TRDN: variants seen among roughly 807,000 people sequenced by gnomAD.
TRDN encodes the protein triadin in skeletal muscle.
In TRDN, 161 loss-of-function variants were observed where a neutral mutation model predicts 149.7. The observed-to-expected ratio is 1.08, with a 90% confidence interval of 0.95 to 1.23. The LOEUF (loss-of-function observed/expected upper bound fraction) is 1.23, where lower values mean the gene tolerates loss of function less well. TRDN is among the 50% of genes most tolerant of loss of function. The pLI, the probability that TRDN is intolerant of heterozygous loss-of-function variation, is 0.00. For synonymous variants in TRDN, 294 were observed against 250.5 expected (o/e 1.17, Z -1.64); for missense variants, 896 against 823.5 (o/e 1.09, Z -1.08).
At chr6:123,372,369 G>A (rs6569340) in intron 19 of TRDN, among the ~76,000 whole-genome samples, 152,251 of 152,280 alleles carry the variant, frequency 1, 76,111 homozygotes, top group Middle Eastern at 1. Context: ...TTAAGGAGAT[G>A]AATATAGTCA....
intron 21 of TRDN, among the ~76,000 whole-genome samples, chr6:123,341,433 G>A (rs1349781090): frequency 6.6e-6 from 1 of 151,762 alleles, no homozygotes; most frequent in Non-Finnish European, 1.5e-5. Flanking sequence ...AGTGTTTCCA[G>A]TTGAATTATA....
At chr6:123,232,855 C>T (rs894751490) in intron 38 of TRDN, among the ~76,000 whole-genome samples, 2 of 151,930 alleles carry the variant, frequency 1.3e-5, no homozygotes, top group African/African-American at 4.8e-5. Context: ...GCTCTATATG[C>T]TCTTAGCAAA....
intron 37 of TRDN, among the ~76,000 whole-genome samples, chr6:123,254,334 T>C (rs1776477949): frequency 6.6e-6 from 1 of 152,050 alleles, no homozygotes; most frequent in African/African-American, 2.4e-5. Context: ...TGTCTAGATA[T>C]GTCTAGTCAT....
chr6:123,273,050 G>A, intron 28 of TRDN, 39 bp from the exon 29 acceptor site: 3 of 1,366,060 alleles, frequency 2.2e-6, no homozygotes, highest in Non-Finnish European at 2.9e-6. Context: ...TAGGTATTTA[G>A]AAGCTGGGAA....
Position 123,406,852 on chromosome 6 carries a change from AAAAATTGTC to A in TRDN, c.1052-13184_1052-13176del, listed in dbSNP as rs1460122721. Among the ~76,000 whole-genome samples the A allele has an allele frequency of 7.2e-5, 11 of 152,336 alleles. No homozygotes were observed. The Middle Eastern group carries it at 0.01, about 141-fold the overall frequency. On this transcript the variant is annotated intron_variant, in intron 12 of 40. Transcript: ENST00000334268. ...TTTCAAGGTTTACTGATTCAAAAAC[AAAAATTGTC>A]GTCTTTATCTCTGTGCTCTCCCCTT...
At chr6:123,450,007 C>T (rs1775667986) in intron 10 of TRDN, among the ~76,000 whole-genome samples, 1 of 151,434 alleles carries the variant, frequency 6.6e-6, no homozygotes, top group Non-Finnish European at 1.5e-5. Context: ...CTTTTTCAGA[C>T]AAACAAATAC....
intron 10 of TRDN, among the ~76,000 whole-genome samples, chr6:123,451,097 G>T (rs1204310339): frequency 6.6e-6 from 1 of 152,000 alleles, no homozygotes; most frequent in African/African-American, 2.4e-5. Flanking sequence ...ATTCAGCAAA[G>T]GCAGTGCTGA....
intron 21 of TRDN, chr6:123,351,542 A>T (rs1203461893): frequency 2.0e-6 from 2 of 982,056 alleles, no homozygotes; most frequent in Non-Finnish European, 2.4e-6. Context: ...CCATGCAATT[A>T]TAAAGGGATT....
intron 24 of TRDN, among the ~76,000 whole-genome samples, chr6:123,289,353 T>C (rs1479630085): frequency 1.3e-5 from 2 of 151,962 alleles, no homozygotes; most frequent in Non-Finnish European, 2.9e-5. Context: ...AAAGCGATGA[T>C]GCTGATAAAA....
In TRDN at chr6:123,279,696, G is replaced by A. The variant is rs952718801; in HGVS notation, c.1511-614C>T. 2.2e-4 allele frequency among the ~76,000 whole-genome samples: 33 copies of A among 151,864 alleles called. 1 individual carries two copies. The highest frequency in any genetic ancestry group is 1.2e-3 in the Admixed American group (18 of 15,220). ...ACCATTCTATGGATTAGTCTCTCTG[G>A]TCACCAATTTCCCATTACTTTCCAA... On this transcript the variant is annotated intron_variant, in intron 24 of 40. Transcript: ENST00000334268.
At chr6:123,263,593 G>A (rs998911985) in intron 33 of TRDN, among the ~76,000 whole-genome samples, 2 of 151,996 alleles carry the variant, frequency 1.3e-5, no homozygotes, top group African/African-American at 4.8e-5. Flanking sequence ...TCCCCAAGCT[G>A]TACTCCAGCC....
intron 9 of TRDN, among the ~76,000 whole-genome samples, chr6:123,480,670 C>G (rs371827818): frequency 6.6e-6 from 1 of 151,824 alleles, no homozygotes; most frequent in East Asian, 1.9e-4. Context: ...GAGGGGCAAC[C>G]AGAAAGGAGA....
chr6:123,429,533 C>T (rs982159212), intron 12 of TRDN, among the ~76,000 whole-genome samples: 1 of 152,094 alleles, frequency 6.6e-6, no homozygotes, highest in African/African-American at 2.4e-5. Flanking sequence ...CAAAATTTGC[C>T]TGGATATTTC....
At chr6:123,283,103 T>A (rs1777640594) in intron 24 of TRDN, among the ~76,000 whole-genome samples, 1 of 151,882 alleles carries the variant, frequency 6.6e-6, no homozygotes, top group Non-Finnish European at 1.5e-5. Context: ...AAAATTGAAA[T>A]GATAACAAGT....
chr6:123,289,209 A>T (rs375561514), intron 24 of TRDN, among the ~76,000 whole-genome samples: 1 of 150,588 alleles, frequency 6.6e-6, no homozygotes, highest in East Asian at 1.9e-4. Context: ...CTTAAAAAAA[A>T]GAAGAAAATT....
chr6:123,504,563 C>T (rs181022933), intron 7 of TRDN, among the ~76,000 whole-genome samples: 15 of 151,830 alleles, frequency 9.9e-5, no homozygotes, highest in African/African-American at 3.1e-4. Flanking sequence ...CTTAAGTCAG[C>T]GATAATTCTA....
chr6:123,411,458 A>C (rs1773439840), intron 12 of TRDN, among the ~76,000 whole-genome samples: 1 of 152,130 alleles, frequency 6.6e-6, no homozygotes, highest in African/African-American at 2.4e-5. Context: ...AAGAGAACTG[A>C]ATTGCTTTGT....
At chr6:123,361,631 C>T (rs568467356) in intron 20 of TRDN, among the ~76,000 whole-genome samples, 1 of 152,252 alleles carries the variant, frequency 6.6e-6, no homozygotes, top group Non-Finnish European at 1.5e-5. Flanking sequence ...ATACTTCACT[C>T]CCTCTTTCCT....
intron 12 of TRDN, among the ~76,000 whole-genome samples, chr6:123,423,642 A>C (rs1330716971): frequency 6.6e-6 from 1 of 152,164 alleles, no homozygotes; most frequent in Admixed American, 6.6e-5. Context: ...AAAATGAGGA[A>C]TTAATTAAAT....
Sources: allele counts gnomAD v4.1 joint callset (sites outside exome capture counted in the v4.1 genomes callset), GRCh38; gene constraint gnomAD v4.1.1; transcripts MANE v1.5; gene names NCBI Gene and HGNC (gene_info 2026-07-23, HGNC 2026-07-21).